Variants in EXOC6B observed in about 807,000 individuals in gnomAD.
The protein encoded by EXOC6B is exocyst complex component 6B.
A neutral mutation model predicts 113.5 loss-of-function variants in EXOC6B; 54 were observed. That is an observed-to-expected ratio of 0.48 (90% CI 0.38 to 0.60). EXOC6B has a LOEUF of 0.60. Ranked by LOEUF, EXOC6B falls within the 20% of genes least tolerant of loss-of-function variation. The probability of loss-of-function intolerance (pLI) is 0.00; values close to 1 mark genes in which losing one functional copy is unlikely to be tolerated. For synonymous variants in EXOC6B, 357 were observed against 339.0 expected (o/e 1.05, Z -0.58); for missense variants, 797 against 977.5 (o/e 0.82, Z 2.46).
chr2:72,423,095 C>T (rs1256692437), intron 18 of EXOC6B, among the ~76,000 whole-genome samples: 5 of 152,132 alleles, frequency 3.3e-5, no homozygotes, highest in Non-Finnish European at 5.9e-5. Flanking sequence ...TAACACTCAC[C>T]GCGAAGATCT....
chr2:72,374,842 A>C (rs1195930119), intron 19 of EXOC6B, among the ~76,000 whole-genome samples: 3 of 150,764 alleles, frequency 2.0e-5, no homozygotes, highest in Non-Finnish European at 2.9e-5. Flanking sequence ...AAAAAATTAC[A>C]TTCATTATAA....
intron 1 of EXOC6B, among the ~76,000 whole-genome samples, chr2:72,817,258 G>C (rs991593707): frequency 6.6e-6 from 1 of 152,078 alleles, no homozygotes. Flanking sequence ...GGAATGACAG[G>C]CTTTTTAAAA....
intron 6 of EXOC6B, among the ~76,000 whole-genome samples, chr2:72,652,050 T>A (rs1674204477): frequency 6.6e-6 from 1 of 152,208 alleles, no homozygotes; most frequent in African/African-American, 2.4e-5. Flanking sequence ...ATCTCTAGTT[T>A]CAAATTTATT....
chr2:72,186,566 C>T (rs947472450), intron 20 of EXOC6B, among the ~76,000 whole-genome samples: 2 of 151,154 alleles, frequency 1.3e-5, no homozygotes, highest in African/African-American at 4.9e-5. Context: ...AAGCCTTTTA[C>T]TATTTGCCTA....
intron 6 of EXOC6B, among the ~76,000 whole-genome samples, chr2:72,594,041 C>G (rs1050215960): frequency 1.3e-5 from 2 of 152,120 alleles, no homozygotes; most frequent in African/African-American, 4.8e-5. Flanking sequence ...AGTGCAGTGA[C>G]ATGAACACAG....
intron 20 of EXOC6B, among the ~76,000 whole-genome samples, chr2:72,226,762 T>C (rs1257512400): frequency 6.6e-6 from 1 of 152,214 alleles, no homozygotes; most frequent in Admixed American, 6.5e-5. Flanking sequence ...AGGGACTAAC[T>C]TCGCTCATTA....
intron 2 of EXOC6B, among the ~76,000 whole-genome samples, chr2:72,737,258 C>T (rs1259700463): frequency 6.6e-6 from 1 of 151,868 alleles, no homozygotes; most frequent in Non-Finnish European, 1.5e-5. Flanking sequence ...GCACAAGAAT[C>T]GCTTGAACCC....
intron 19 of EXOC6B, among the ~76,000 whole-genome samples, chr2:72,373,153 C>T (rs1036712672): frequency 4.6e-5 from 7 of 151,082 alleles, no homozygotes; most frequent in Non-Finnish European, 8.8e-5. Flanking sequence ...ACTGCAACCT[C>T]CACCTCCCGG....
intron 6 of EXOC6B, among the ~76,000 whole-genome samples, chr2:72,590,002 T>C (rs911763607): frequency 6.6e-6 from 1 of 152,108 alleles, no homozygotes; most frequent in South Asian, 2.1e-4. Context: ...GGAAGCCAAT[T>C]TTTAGCAGAG....
chr2:72,276,828 A>T (rs1055297205), intron 20 of EXOC6B, among the ~76,000 whole-genome samples: 5 of 152,176 alleles, frequency 3.3e-5, no homozygotes, highest in African/African-American at 1.2e-4. Context: ...TCCTCTTGAA[A>T]CAATTATGAG....
chr2:72,749,532 T>C (rs986785598), intron 1 of EXOC6B, among the ~76,000 whole-genome samples: 2 of 152,008 alleles, frequency 1.3e-5, no homozygotes, highest in African/African-American at 4.8e-5. Flanking sequence ...ATTGCAGTTT[T>C]GCCACTACTT....
chr2:72,628,702 C>A (rs1231236383), intron 6 of EXOC6B, among the ~76,000 whole-genome samples: 1 of 152,052 alleles, frequency 6.6e-6, no homozygotes, highest in Non-Finnish European at 1.5e-5. Context: ...TAGTCTGCAA[C>A]CCAGAAGAGG....
At chr2:72,308,856 A>C (rs921045566) in intron 20 of EXOC6B, among the ~76,000 whole-genome samples, 7 of 152,094 alleles carry the variant, frequency 4.6e-5, no homozygotes, top group Non-Finnish European at 8.8e-5. Context: ...GCTTTCTTTT[A>C]CTTTTTATTA....
At chr2:72,526,577 G>C (rs762418392) in intron 8 of EXOC6B, among the ~76,000 whole-genome samples, 11 of 151,798 alleles carry the variant, frequency 7.2e-5, no homozygotes, top group Admixed American at 5.9e-4. Context: ...AGTGAGGGTT[G>C]GGGAAATCTC....
At chr2:72,359,417 T>G (rs1186471106) in intron 19 of EXOC6B, among the ~76,000 whole-genome samples, 1 of 152,124 alleles carries the variant, frequency 6.6e-6, no homozygotes, top group East Asian at 1.9e-4. Flanking sequence ...TAAGTTGCCA[T>G]CTTGGAAGCA....
chr2:72,485,067 T>A (rs901304114), intron 16 of EXOC6B, among the ~76,000 whole-genome samples: 3 of 152,244 alleles, frequency 2.0e-5, no homozygotes, highest in African/African-American at 7.2e-5. Context: ...ATGGGTGAAC[T>A]AATTTACATT....
chr2:72,600,722 A>T (rs1670374730), intron 6 of EXOC6B, among the ~76,000 whole-genome samples: 1 of 152,178 alleles, frequency 6.6e-6, no homozygotes, highest in African/African-American at 2.4e-5. Context: ...ATAGACCTAA[A>T]TGTAAAACAC....
intron 6 of EXOC6B, among the ~76,000 whole-genome samples, chr2:72,671,799 G>GAAAGAAAGAAAGAAAGAA (rs1675877241): frequency 1.7e-5 from 2 of 117,612 alleles, no homozygotes; most frequent in Admixed American, 1.8e-4. Flanking sequence ...AAGAAAGAAA[G>GAAAGAAAGAAAGAAAGAA]AAAGAAAGAA....
At chr2:72,489,126 C>A (rs924239327) in intron 16 of EXOC6B, among the ~76,000 whole-genome samples, 1 of 152,158 alleles carries the variant, frequency 6.6e-6, no homozygotes, top group Non-Finnish European at 1.5e-5. Flanking sequence ...AAAAATAAAA[C>A]CAACCTAGAA....
Sources: gnomAD v4.1 joint callset for allele counts (sites outside exome capture counted in the v4.1 genomes callset) on GRCh38, gnomAD v4.1.1 for gene constraint, MANE v1.5 for transcripts, NCBI Gene and HGNC (gene_info 2026-07-23, HGNC 2026-07-21) for gene names.